PTPN9: variants seen among roughly 807,000 people sequenced by gnomAD.
PTPN9 encodes tyrosine-protein phosphatase non-receptor type 9.
Under a neutral mutation model 69.8 loss-of-function variants are expected in PTPN9, and 26 were observed. The observed-to-expected ratio is 0.37, with a 90% CI of 0.27 to 0.52. PTPN9 has a LOEUF of 0.52. Ranked by LOEUF, PTPN9 falls within the 20% of genes least tolerant of loss-of-function variation. The pLI is 0.91. For synonymous variants in PTPN9, 274 were observed against 272.5 expected (o/e 1.01, Z -0.05); for missense variants, 549 against 740.3 (o/e 0.74, Z 3.00).
intron 1 of PTPN9, among the ~76,000 whole-genome samples, chr15:75,563,746 C>G (rs916091034): frequency 6.6e-6 from 1 of 152,158 alleles, no homozygotes; most frequent in Non-Finnish European, 1.5e-5. Context: ...CGTAACAAGT[C>G]CTCCTCCTTG....
intron 5 of PTPN9, among the ~76,000 whole-genome samples, chr15:75,516,554 C>T (rs1228478386): frequency 3.3e-5 from 5 of 151,222 alleles, no homozygotes; most frequent in Admixed American, 1.3e-4. Context: ...CCTCGTGATC[C>T]GTCCGCCTCA....
chr15:75,558,538 C>T lies in PTPN9; in HGVS notation c.63+20176G>A, dbSNP rs891921188. 3.3e-5 allele frequency among the ~76,000 whole-genome samples: 5 copies of T among 152,078 alleles called. No homozygotes were observed. The South Asian group carries it at 1.0e-3, about 32-fold the overall frequency. ...CTCCCCCTCCCCCTCTCCCCACGGTCTCCCGATCCCTCTCTTGCCACGGTC... is the reference window on the plus strand; with the variant it reads ...CTCCCCCTCCCCCTCTCCCCACGGTTTCCCGATCCCTCTCTTGCCACGGTC... On this transcript the variant is annotated intron_variant, in intron 1 of 12. Transcript: ENST00000618819.
At chr15:75,509,407 G>A (rs1018471062) in intron 5 of PTPN9, among the ~76,000 whole-genome samples, 5 of 152,152 alleles carry the variant, frequency 3.3e-5, no homozygotes, top group South Asian at 2.1e-4. Context: ...AACATTTCTC[G>A]ACCAGGTGCG....
intron 1 of PTPN9, among the ~76,000 whole-genome samples, chr15:75,539,095 A>T (rs373369223): frequency 4.6e-5 from 7 of 151,822 alleles, no homozygotes; most frequent in East Asian, 3.9e-4. Flanking sequence ...CCTTTAAAAA[A>T]TTTTTTTTTG....
intron 7 of PTPN9, among the ~76,000 whole-genome samples, chr15:75,499,981 C>T (rs952358803): frequency 6.6e-6 from 1 of 152,056 alleles, no homozygotes; most frequent in Non-Finnish European, 1.5e-5. Flanking sequence ...AGTTCGAGAT[C>T]AGCCTGGCCA....
rs183409849 is a variant in PTPN9 at position 75,578,506 on chromosome 15, G to T, written c.63+208C>A. 1.3e-3 allele frequency among the ~76,000 whole-genome samples: 196 copies of T among 152,292 alleles called. 1 individual carries two copies. Among genetic ancestry groups the T allele is most frequent in the African/African-American group, 4.4e-3 (182 of 41,586 alleles). On this transcript the variant is annotated intron_variant, in intron 1 of 12. Coordinates refer to ENST00000618819, the MANE Select transcript of PTPN9 (RefSeq NM_002833.4). Reference sequence around the variant, plus strand: ...CTGGTAAGCCTCGGCGAAAGAAGCGGCGGGAACGGGAGTAGGGTCCCGTGG... The same window carrying T: ...CTGGTAAGCCTCGGCGAAAGAAGCGTCGGGAACGGGAGTAGGGTCCCGTGG...
intron 5 of PTPN9, among the ~76,000 whole-genome samples, chr15:75,511,129 G>A (rs1028560722): frequency 2.0e-5 from 3 of 152,076 alleles, no homozygotes; most frequent in African/African-American, 7.2e-5. Flanking sequence ...ATGGACATTT[G>A]GGTTGTTTCC....
At chr15:75,531,580 T>C (rs1312307876) in intron 1 of PTPN9, among the ~76,000 whole-genome samples, 1 of 150,884 alleles carries the variant, frequency 6.6e-6, no homozygotes, top group Non-Finnish European at 1.5e-5. Flanking sequence ...TTTTGTTTTT[T>C]CTGCTTTTTT....
intron 1 of PTPN9, among the ~76,000 whole-genome samples, chr15:75,531,376 G>A (rs899382411): frequency 6.6e-6 from 1 of 152,106 alleles, no homozygotes; most frequent in African/African-American, 2.4e-5. Context: ...CCAGAGAAAT[G>A]AGTCCCAGAG....
chr15:75,537,885 C>T (rs1292160850), intron 1 of PTPN9, among the ~76,000 whole-genome samples: 1 of 151,472 alleles, frequency 6.6e-6, no homozygotes, highest in Non-Finnish European at 1.5e-5. Context: ...ATAGTGAAAC[C>T]CTGTCTCTTC....
intron 7 of PTPN9, among the ~76,000 whole-genome samples, chr15:75,494,068 C>T (rs1250064326): frequency 2.7e-5 from 4 of 150,668 alleles, no homozygotes; most frequent in Non-Finnish European, 4.4e-5. Flanking sequence ...GTAACAAAGA[C>T]TGTAAACCTC....
At chr15:75,515,557 C>CA (rs1226567976) in intron 5 of PTPN9, among the ~76,000 whole-genome samples, 1 of 152,002 alleles carries the variant, frequency 6.6e-6, no homozygotes, top group Non-Finnish European at 1.5e-5. Flanking sequence ...TGCTTGAGCC[C>CA]AGGAATTCAA....
At chr15:75,554,612 C>T (rs552416985) in intron 1 of PTPN9, among the ~76,000 whole-genome samples, 1 of 152,290 alleles carries the variant, frequency 6.6e-6, no homozygotes, top group Admixed American at 6.5e-5. Flanking sequence ...CATGTTTGAG[C>T]CACCATGCCC....
At chr15:75,509,687 C>CA (rs2074836598) in intron 5 of PTPN9, among the ~76,000 whole-genome samples, 1 of 151,960 alleles carries the variant, frequency 6.6e-6, no homozygotes, top group East Asian at 1.9e-4. Flanking sequence ...AACTCTGTCT[C>CA]AAAAAAAATA....
At chr15:75,495,326 A>G (rs2074733619) in intron 7 of PTPN9, among the ~76,000 whole-genome samples, 1 of 150,210 alleles carries the variant, frequency 6.7e-6, no homozygotes, top group Admixed American at 6.7e-5. Context: ...AGGTCTCAGG[A>G]AAAAAAAAAT....
At chr15:75,535,369 G>A (rs937387228) in intron 1 of PTPN9, among the ~76,000 whole-genome samples, 33 of 152,148 alleles carry the variant, frequency 2.2e-4, no homozygotes, top group Admixed American at 6.6e-5. Flanking sequence ...AAAAGCTGAG[G>A]CCAGAAGTAT....
chr15:75,473,433 T>C (rs950187032), intron 10 of PTPN9, among the ~76,000 whole-genome samples: 2 of 151,950 alleles, frequency 1.3e-5, no homozygotes, highest in African/African-American at 4.8e-5. Flanking sequence ...GTATTTTTAA[T>C]AGAGAAGGCA....
chr15:75,534,293 A>C (rs1480735091), intron 1 of PTPN9, among the ~76,000 whole-genome samples: 1 of 152,210 alleles, frequency 6.6e-6, no homozygotes, highest in Non-Finnish European at 1.5e-5. Flanking sequence ...ATTTCTTAGA[A>C]TCATATGACC....
Position 75,578,787 on chromosome 15 carries a change from CCGCCG to C in PTPN9, c.-16_-12del. On this transcript the variant is annotated 5_prime_UTR_variant, in exon 1 of 13. Coordinates refer to ENST00000618819, the MANE Select transcript of PTPN9 (RefSeq NM_002833.4). Reference sequence around the variant, plus strand: ...GGTCGCGGGCTCCATCCCCCCGCCACCGCCGCCGGGCGGACAAAACTCGCTCGCGA... The same window carrying C: ...GGTCGCGGGCTCCATCCCCCCGCCACCCGGGCGGACAAAACTCGCTCGCGA... 8.1e-7 allele frequency: 1 copy of C among 1,237,240 alleles called. No individual in the cohort carries two copies. The highest frequency in any genetic ancestry group is 3.4e-5 in the East Asian group (1 of 29,832). 76.6% of individuals were successfully genotyped at this position (1,237,240 alleles called of 1,614,324 possible).
Sources: allele counts gnomAD v4.1 joint callset (sites outside exome capture counted in the v4.1 genomes callset), GRCh38; gene constraint gnomAD v4.1.1; transcripts MANE v1.5; gene names NCBI Gene and HGNC (gene_info 2026-07-23, HGNC 2026-07-21).